Variants in OPLAH observed in about 807,000 individuals in gnomAD.
OPLAH encodes the protein 5-oxoprolinase, ATP-hydrolysing.
In OPLAH, 103 loss-of-function variants were observed where a neutral mutation model predicts 122.8. The ratio of observed to expected loss-of-function variants is 0.84; its 90% CI spans 0.71 to 0.99. The LOEUF (loss-of-function observed/expected upper bound fraction) is 0.99. Ranked by LOEUF, OPLAH falls within the 50% of genes least tolerant of loss-of-function variation. OPLAH has a pLI of 0.00. For missense variants in OPLAH, 1,902 were observed against 1,836.5 expected (o/e 1.04, Z -0.65); for synonymous variants, 875 against 796.0 (o/e 1.10, Z -1.67).
chr8:144,054,489 C>T, intron 19 of OPLAH, 72 bp downstream of exon 19: 1 of 1,467,246 alleles, frequency 6.8e-7, no homozygotes, highest in Non-Finnish European at 9.2e-7. Flanking sequence ...CACGGTCCAG[C>T]CAGGCCTGCT....
At chr8:144,057,403 G>A (rs781806341) in intron 10 of OPLAH, 45 bp downstream of exon 10, 4 of 1,587,772 alleles carry the variant, frequency 2.5e-6, no homozygotes, top group South Asian at 1.1e-5. Flanking sequence ...GGGGCAGGGA[G>A]CAGGGCTGGG....
Position 144,051,999 on chromosome 8 carries a change from ACGCC to A in OPLAH, c.3535_3538del (p.Gly1179SerfsTer16). ...CTCACGAAAGAGCAGCTCGCGGGTG[ACGCC>A]GTCGCCGCCTCGGAAGCGGCCTCTG... On this transcript the variant is annotated frameshift_variant, in exon 25 of 27. Coordinates refer to ENST00000618853, the MANE Select transcript of OPLAH (RefSeq NM_017570.5). LOFTEE classifies it high-confidence loss of function. 6.3e-7 allele frequency: 1 copy of A among 1,585,666 alleles called. No homozygotes were observed. Among genetic ancestry groups the A allele is most frequent in the African/African-American group, 1.4e-5 (1 of 74,068 alleles).
downstream of OPLAH, chr8:144,050,864 T>C (rs931578428): frequency 3.1e-5 from 31 of 992,242 alleles, no homozygotes; most frequent in African/African-American, 4.9e-4. Flanking sequence ...AGGCGGTGAG[T>C]TGCGACCTGG....
At position 144,055,708 on chromosome 8, in the gene OPLAH, C is replaced by T; in HGVS notation, c.2248+80G>A. ...CCAGGGGGTCCTGCTTCTGCCTCTC[C>T]CTTTGGGCACAGCCCTGCCAGCTAC... On this transcript the variant is annotated intron_variant, in intron 16 of 26. Transcript: ENST00000618853. The surrounding 1 kb of genome is among the most constrained non-coding windows in gnomAD (Gnocchi z 6.5). 2.1e-6 allele frequency: 3 copies of T among 1,403,560 alleles called. No homozygotes were observed. Among genetic ancestry groups the T allele is most frequent in the Non-Finnish European group, 2.8e-6 (3 of 1,075,286 alleles). 86.9% of individuals were successfully genotyped at this position (1,403,560 alleles called of 1,614,324 possible).
Position 144,051,440 on chromosome 8 carries a change from AC to A in OPLAH, c.3752del (p.Gly1251ValfsTer47). 1.6e-6 allele frequency: 2 copies of A among 1,262,342 alleles called. No homozygotes were observed. The highest frequency in any genetic ancestry group is 1.0e-6 in the Non-Finnish European group (1 of 976,158). The allele number at this position is 1,262,342 out of a possible 1,614,324, so 78.2% of individuals were successfully genotyped here. On this transcript the variant is annotated frameshift_variant, in exon 27 of 27. Transcript: ENST00000618853. LOFTEE classifies it high-confidence loss of function. ...DVFCLHTPGG[G>X]GYGDPEDPAP... ...CGGGGTCCTCCGGGTCCCCATAGCC[AC>A]CGCCGCCGGGCGTGTGGAGACAGAA... is the stretch of plus-strand genomic sequence containing the variant.
upstream of OPLAH, among the ~76,000 whole-genome samples, chr8:144,062,193 C>T (rs1835674875): frequency 6.6e-6 from 1 of 152,140 alleles, no homozygotes; most frequent in Non-Finnish European, 1.5e-5. Context: ...GATTGGGACC[C>T]CTTTCCTGTA....
At chr8:144,057,738 C>T in intron 9 of OPLAH, 25 bp from the exon 10 acceptor site, 1 of 1,610,340 alleles carries the variant, frequency 6.2e-7, no homozygotes, top group East Asian at 2.2e-5. Context: ...GGGTGTGGGG[C>T]TTGGGGGCTG....
rs1451376175 is a variant in OPLAH, at chr8:144,055,751, G to A, written c.2248+37C>T. On this transcript the variant is annotated intron_variant, in intron 16 of 26. Coordinates refer to ENST00000618853, the MANE Select transcript of OPLAH (RefSeq NM_017570.5). This position sits in a 1 kb window ranked among gnomAD's most constrained non-coding sequence, Gnocchi z 6.5. ...CCAGCTACCCCATGACACAGCCGGC[G>A]CCTCATCCCACAGGGAGCCTGGCAG... 9.5e-6 allele frequency: 14 copies of A among 1,467,490 alleles called. No individual in the cohort carries two copies. In the South Asian group the frequency reaches 1.1e-4, roughly 12 times the overall value. 90.9% of individuals were successfully genotyped at this position (1,467,490 alleles called of 1,614,324 possible). A position where few individuals can be genotyped will look rare whatever the true frequency, so the allele number is the denominator to read the frequency against.
At position 144,054,741 on chromosome 8, in the gene OPLAH, G is replaced by C. The variant is rs532077880; in HGVS notation, c.2512-6C>G. On this transcript the variant is annotated splice_polypyrimidine_tract_variant and splice_region_variant and intron_variant, in intron 18 of 26. Coordinates refer to ENST00000618853, the MANE Select transcript of OPLAH (RefSeq NM_017570.5). Reference sequence around the variant, plus strand: ...GTCTGACCCGGCCAAAACACCTAGCGGGTGGAGAGCCACGGTCAGCTGCAT... The same window carrying C: ...GTCTGACCCGGCCAAAACACCTAGCCGGTGGAGAGCCACGGTCAGCTGCAT... 1 of 1,612,128 alleles carries C rather than the reference G, an allele frequency of 6.2e-7. No homozygotes were observed. Among genetic ancestry groups the C allele is most frequent in the Non-Finnish European group, 8.5e-7 (1 of 1,179,818 alleles).
chr8:144,056,407 G>T lies in OPLAH; in HGVS notation c.1961C>A (p.Thr654Asn). ...LRLEDAPKAQ[T>N]GPPRVDKMTQ... ...AACCTTGTCCACCCGGGGAGGCCCG[G>T]TCTGGGCTTTGGGGGCATCCTCGAG... The change falls in exon 14 of 27, where the codon ACC becomes AAC. Residue 654 changes from threonine to asparagine, a missense_variant. This residue lies in a region of OPLAH where 1,726 missense variants were observed against 1,642.1 expected (regional missense o/e 1.05). Transcript: ENST00000618853. 1 of 1,607,730 alleles carries T rather than the reference G, an allele frequency of 6.2e-7. No individual in the cohort carries two copies. The highest frequency in any genetic ancestry group is 1.1e-5 in the South Asian group (1 of 90,516).
chr8:144,050,813 C>T (rs1395718485), downstream of OPLAH: 10 of 989,504 alleles, frequency 1.0e-5, no homozygotes, highest in Non-Finnish European at 1.2e-5. Flanking sequence ...CTGAGCACCT[C>T]CGTGCTCCAC....
At position 144,052,299 on chromosome 8, in the gene OPLAH, T is replaced by C; in HGVS notation, c.3331A>G (p.Asn1111Asp). 1 of 1,531,484 alleles carries C rather than the reference T, an allele frequency of 6.5e-7. No homozygotes were observed. The highest frequency in any genetic ancestry group is 1.2e-5 in the South Asian group (1 of 83,678). 94.9% of individuals were successfully genotyped at this position (1,531,484 alleles called of 1,614,324 possible). Residue 1111 changes from asparagine to aspartate, a missense_variant, in exon 24 of 27, where the codon AAC (asparagine) becomes GAC (aspartate). Around this residue, in one of 3 missense-constraint regions of OPLAH, gnomAD observed 1,726 missense variants for 1,642.1 expected, o/e 1.05. Transcript: ENST00000618853. ...GTCTCGTAGTAGCCCATGTGGGCGT[T>C]GCCCAGGGTCACGTTGTTCATGCAG... is the stretch of plus-strand genomic sequence containing the variant. ...QGCMNNVTLG[N>D]AHMGYYETVA... is the part of the protein sequence containing the mutation.
At chr8:144,054,231 C>T (rs567074539) in intron 19 of OPLAH, among the ~76,000 whole-genome samples, 10 of 152,152 alleles carry the variant, frequency 6.6e-5, no homozygotes, top group African/African-American at 9.6e-5. Context: ...TGTTTCTCTG[C>T]GGACCCCACC....
In OPLAH at chr8:144,056,130, G is replaced by C. The variant is rs1554758945; in HGVS notation, c.2096+17C>G. Reference sequence around the variant, plus strand: ...GGACCCGTCCACATCCTCCACCCTGGCCGGACTTCAGCCCACCTGTTACTG... The same window carrying C: ...GGACCCGTCCACATCCTCCACCCTGCCCGGACTTCAGCCCACCTGTTACTG... On this transcript the variant is annotated intron_variant, in intron 15 of 26. Coordinates refer to ENST00000618853, the MANE Select transcript of OPLAH (RefSeq NM_017570.5). 6.3e-7 allele frequency: 1 copy of C among 1,597,444 alleles called. No individual in the cohort carries two copies. The highest frequency in any genetic ancestry group is 8.6e-7 in the Non-Finnish European group (1 of 1,167,708).
chr8:144,053,121 A>C lies in OPLAH; in HGVS notation c.2880T>G (p.Ala960=), dbSNP rs372144482. ...GCAACATGTCTCGCACGGCCAGCTC[A>C]GCGTTTGCCTGGCAGGGAGCAGGAT... ...QAYMGHIQAN[A]ELAVRDMLRA... Residue 960 remains alanine (A), a synonymous_variant, in exon 21 of 27, where the codon GCT becomes GCG. Transcript: ENST00000618853. 129 of 1,606,982 alleles carry C rather than the reference A, an allele frequency of 8.0e-5. No homozygotes were observed. The African/African-American group carries it at 1.5e-3, about 19-fold the overall frequency.
rs1322308408 is a variant in OPLAH at position 144,057,455 on chromosome 8, AG to A, written c.1414del (p.Leu472SerfsTer80). ...GAGCAGAGGTGGACGTACCTGCGTG[AG>A]TGCACGGATGGGCCGGCACATGGCC... ...NEAMCRPIRA[L>X]TQARGHDPSA... On this transcript the variant is annotated frameshift_variant, in exon 10 of 27. Transcript: ENST00000618853. LOFTEE classifies it high-confidence loss of function. 6.3e-7 allele frequency: 1 copy of A among 1,586,388 alleles called. No homozygotes were observed. The highest frequency in any genetic ancestry group is 8.6e-7 in the Non-Finnish European group (1 of 1,166,626).
In OPLAH at chr8:144,056,609, GC is replaced by G; in HGVS notation, c.1844+8del. On this transcript the variant is annotated splice_region_variant and intron_variant, in intron 13 of 26. Transcript: ENST00000618853. ...CTTGCCAGGGATCCGGAGTCAGGAAGCCACGTACCGCTCCACAAAGGCTGCC... is the reference window on the plus strand; with the variant it reads ...CTTGCCAGGGATCCGGAGTCAGGAAGCACGTACCGCTCCACAAAGGCTGCC... 3 of 1,612,258 alleles carry G rather than the reference GC, an allele frequency of 1.9e-6. No individual in the cohort carries two copies. Among genetic ancestry groups the G allele is most frequent in the Non-Finnish European group, 2.5e-6 (3 of 1,179,774 alleles).
At position 144,058,805 on chromosome 8, in the gene OPLAH, G is replaced by A; in HGVS notation, c.555C>T (p.Arg185=). 2.5e-6 allele frequency: 4 copies of A among 1,603,024 alleles called. No homozygotes were observed. The highest frequency in any genetic ancestry group is 1.7e-6 in the Non-Finnish European group (2 of 1,175,086). Residue 185 remains arginine (R), a synonymous_variant, in exon 5 of 27, where the codon CGC becomes CGT. Coordinates refer to ENST00000618853, the MANE Select transcript of OPLAH (RefSeq NM_017570.5). ...KLEGLLSRGI[R]SLAVVLMHSY... ...AGTGCATGAGCACCACAGCCAGGCT[G>A]CGGATGCCTCGAGATAGCAGCCCCT...
Position 144,057,553 on chromosome 8 carries a change from G to A in OPLAH, c.1317C>T (p.Thr439=), listed in dbSNP as rs1233265019. 1.3e-6 allele frequency: 2 copies of A among 1,589,070 alleles called. No individual in the cohort carries two copies. Among genetic ancestry groups the A allele is most frequent in the African/African-American group, 1.3e-5 (1 of 74,278 alleles). Residue 439 remains threonine, a synonymous_variant, in exon 10 of 27, where the codon ACC becomes ACT. Coordinates refer to ENST00000618853, the MANE Select transcript of OPLAH (RefSeq NM_017570.5). ...GCGGGGAGGCCGGGCAGGGCCCGTT[G>A]GTCAGGAAGCTGTTGACCTCAGTGG... ...AVATEVNSFL[T]NGPCPASPLS...
Sources: allele counts gnomAD v4.1 joint callset (sites outside exome capture counted in the v4.1 genomes callset), GRCh38; gene constraint gnomAD v4.1.1; regional missense constraint gnomAD v4.1.1; non-coding constraint Gnocchi (gnomAD v3.1); transcripts MANE v1.5; gene names NCBI Gene and HGNC (gene_info 2026-07-23, HGNC 2026-07-21).